Variants in TSPOAP1 observed in about 807,000 individuals in gnomAD.
The protein encoded by TSPOAP1 is peripheral-type benzodiazepine receptor-associated protein 1.
Under a neutral mutation model 197.0 loss-of-function variants are expected in TSPOAP1, and 87 were observed. The ratio of observed to expected loss-of-function variants is 0.44; its 90% CI spans 0.37 to 0.53. TSPOAP1 has a LOEUF of 0.53. Among genes scored for constraint, TSPOAP1 ranks in the 20% least tolerant of loss-of-function variants. The probability of loss-of-function intolerance (pLI) is 0.00; values close to 1 mark genes in which losing one functional copy is unlikely to be tolerated. For missense variants in TSPOAP1, 2,174 were observed against 2,411.3 expected (o/e 0.90, Z 2.06); for synonymous variants, 913 against 998.9 (o/e 0.91, Z 1.62).
Position 58,312,739 on chromosome 17 carries a change from A to G in TSPOAP1, c.2099-17T>C, listed in dbSNP as rs1310879191. 1 of 1,606,254 alleles carries G rather than the reference A, an allele frequency of 6.2e-7. No individual in the cohort carries two copies. The highest frequency in any genetic ancestry group is 1.7e-5 in the Admixed American group (1 of 59,246). On this transcript the variant is annotated splice_polypyrimidine_tract_variant and intron_variant, in intron 16 of 31. Transcript: ENST00000343736. ...TGAGCTCTCCTGGCAGGAGGAGGAC[A>G]GGAAGGGGCAGGGCAGGGGAAGACA...
Position 58,307,631 on chromosome 17 carries a change from G to A in TSPOAP1, c.4963C>T (p.Arg1655Ter), listed in dbSNP as rs774866698. Reference sequence around the variant, plus strand: ...GTCACCTTCAGGATCTGACCCTCTCGGAAGGGAAGCTCTTCTTCTCCAGCA... The same window carrying A: ...GTCACCTTCAGGATCTGACCCTCTCAGAAGGGAAGCTCTTCTTCTCCAGCA... ...PDAGEEELPF[R>*]EGQILKVFGD... Residue 1655 changes from arginine (R) to a stop codon, truncating the protein, a stop_gained, in exon 24 of 32, where the codon CGA (arginine) becomes TGA (stop). Transcript: ENST00000343736. LOFTEE classifies it high-confidence loss of function. 1.2e-6 allele frequency: 2 copies of A among 1,613,990 alleles called. No homozygotes were observed. Among genetic ancestry groups the A allele is most frequent in the African/African-American group, 1.3e-5 (1 of 75,070 alleles).
rs1449770670 is a variant in TSPOAP1 at position 58,318,129 on chromosome 17, A to G, written c.1872+151T>C. ...AGGGCTCCACCTGAGCGCCTCGCCC[A>G]CAGGAGGAATCCACAGGCCTCCCAC... On this transcript the variant is annotated intron_variant, in intron 14 of 31. Coordinates refer to ENST00000343736, the MANE Select transcript of TSPOAP1 (RefSeq NM_004758.4). 4 of 994,512 alleles carry G rather than the reference A, an allele frequency of 4.0e-6. No individual in the cohort carries two copies. The African/African-American group carries it at 4.9e-5, about 12-fold the overall frequency. The allele number at this position is 994,512 out of a possible 1,614,324, so 61.6% of individuals were successfully genotyped here. A position where few individuals can be genotyped will look rare whatever the true frequency, so the allele number is the denominator to read the frequency against.
Position 58,324,575 on chromosome 17 carries a change from G to A in TSPOAP1, c.942+236C>T, listed in dbSNP as rs1010548335. 1.8e-4 allele frequency among the ~76,000 whole-genome samples: 28 copies of A among 152,048 alleles called. No individual in the cohort carries two copies. The highest frequency in any genetic ancestry group is 6.5e-4 in the African/African-American group (27 of 41,430). ...GGCGGCCGGCCAGGCCCCGCTGGGC[G>A]CAGGCCTATGGAGGGCGGAACCCTG... is the stretch of plus-strand genomic sequence containing the variant. On this transcript the variant is annotated intron_variant, in intron 5 of 31. Coordinates refer to ENST00000343736, the MANE Select transcript of TSPOAP1 (RefSeq NM_004758.4). This position sits in a 1 kb window ranked among gnomAD's most constrained non-coding sequence, Gnocchi z 5.8.
rs371840919 is a variant in TSPOAP1 at position 58,308,511 on chromosome 17, G to T, written c.4731+30C>A. The T allele has an allele frequency of 1.7e-5, 26 of 1,492,142 alleles. 1 individual carries two copies. The highest frequency in any genetic ancestry group is 2.8e-5 in the South Asian group (2 of 70,790). 92.4% of individuals were successfully genotyped at this position (1,492,142 alleles called of 1,614,324 possible). ...GGGCCACCAGGTGGCAGCAGGCAGG[G>T]GCTGCCCAGGGCGGGGAGTGAGCAC... On this transcript the variant is annotated intron_variant, in intron 22 of 31. Coordinates refer to ENST00000343736, the MANE Select transcript of TSPOAP1 (RefSeq NM_004758.4).
At chr17:58,325,050 G>A in intron 4 of TSPOAP1, 48 bp from the exon 5 acceptor site, 2 of 1,449,336 alleles carry the variant, frequency 1.4e-6, no homozygotes, top group Non-Finnish European at 1.8e-6. Context: ...CCTAATCCTT[G>A]CCCGCCCCAT....
Position 58,311,038 on chromosome 17 carries a change from C to A in TSPOAP1, c.3257G>T (p.Arg1086Leu). The A allele has an allele frequency of 6.3e-7, 1 of 1,587,382 alleles. No individual in the cohort carries two copies. Among genetic ancestry groups the A allele is most frequent in the Non-Finnish European group, 8.6e-7 (1 of 1,166,886 alleles). Residue 1086 changes from arginine (R) to leucine (L), a missense_variant, in exon 19 of 32, where the codon CGA becomes CTA. Transcript: ENST00000343736. Reference sequence around the variant, plus strand: ...TGGGTGCGGTGAGGGGCAGGAGACTCGGGCTGGCAGGCTGGCCGGAGCCAG... The same window carrying A: ...TGGGTGCGGTGAGGGGCAGGAGACTAGGGCTGGCAGGCTGGCCGGAGCCAG... ...PALAPASLPA[R>L]VSCPSPHPSP...
chr17:58,311,266 G>A (rs759076558), intron 18 of TSPOAP1, 53 bp from the exon 19 acceptor site: 32 of 1,591,334 alleles, frequency 2.0e-5, no homozygotes, highest in Admixed American at 5.3e-5. Flanking sequence ...ACAGCCAAGC[G>A]TGAGGATGCA....
intron 16 of TSPOAP1, among the ~76,000 whole-genome samples, chr17:58,314,663 G>A (rs980762017): frequency 6.6e-6 from 1 of 152,260 alleles, no homozygotes; most frequent in Non-Finnish European, 1.5e-5. Context: ...GCCAGTGAGA[G>A]AATAAATGTC....
chr17:58,323,223 C>A lies in TSPOAP1; in HGVS notation c.1104+75G>T, dbSNP rs560957361. On this transcript the variant is annotated intron_variant, in intron 7 of 31. Coordinates refer to ENST00000343736, the MANE Select transcript of TSPOAP1 (RefSeq NM_004758.4). ...GAGGGCAGCAGGGGTGGGAGCAGAG[C>A]TGAGAGGGAGCCCACCACCTGGCTG... The A allele has an allele frequency of 1.0e-5, 16 of 1,564,568 alleles. No individual in the cohort carries two copies. In the African/African-American group the frequency reaches 1.6e-4, roughly 16 times the overall value.
At chr17:58,302,804 CAT>C (rs2144015150) in intron 31 of TSPOAP1, 2 of 158,802 alleles carry the variant, frequency 1.3e-5, no homozygotes, top group African/African-American at 2.4e-5. Flanking sequence ...CAACTTCTCA[CAT>C]GTCACCTCCC....
intron 11 of TSPOAP1, among the ~76,000 whole-genome samples, 171 bp from the exon 12 acceptor site, chr17:58,320,300 G>A (rs980619888): frequency 4.6e-5 from 7 of 152,120 alleles, no homozygotes; most frequent in Non-Finnish European, 8.8e-5. Flanking sequence ...CAGCCTCTGG[G>A]GGTGGCAGCA....
In TSPOAP1 at chr17:58,304,147, A is replaced by C; in HGVS notation, c.*32+191T>G. The C allele has an allele frequency of 3.5e-6, 2 of 573,876 alleles. No homozygotes were observed. Among genetic ancestry groups the C allele is most frequent in the Non-Finnish European group, 6.3e-6 (2 of 318,956 alleles). The allele number at this position is 573,876 out of a possible 1,614,324, so 35.5% of individuals were successfully genotyped here. A position where few individuals can be genotyped will look rare whatever the true frequency, so the allele number is the denominator to read the frequency against. On this transcript the variant is annotated intron_variant, in intron 31 of 31. Transcript: ENST00000343736. The surrounding 1 kb of genome is among the most constrained non-coding windows in gnomAD (Gnocchi z 4.2). ...AGCTGGCACTGCCCTGGGTAAAGGC[A>C]AGGCAAGGGGAGCAGGGAGGGGGAG...
Position 58,311,729 on chromosome 17 carries a change from G to T in TSPOAP1, c.2930-7C>A, listed in dbSNP as rs201425557. On this transcript the variant is annotated splice_polypyrimidine_tract_variant and splice_region_variant and intron_variant, in intron 17 of 31. Coordinates refer to ENST00000343736, the MANE Select transcript of TSPOAP1 (RefSeq NM_004758.4). ...AGAGGGGCATCAGGTGGGCCTGGGG[G>T]CAGGGGGGCACAAGACCCAGTGATG... 5 of 1,556,894 alleles carry T rather than the reference G, an allele frequency of 3.2e-6. No homozygotes were observed. Among genetic ancestry groups the T allele is most frequent in the Non-Finnish European group, 4.4e-6 (5 of 1,148,512 alleles).
In TSPOAP1 at chr17:58,311,731, A is replaced by AG. The variant is rs754044754; in HGVS notation, c.2930-10dup. 1.9e-6 allele frequency: 3 copies of AG among 1,555,276 alleles called. No individual in the cohort carries two copies. The highest frequency in any genetic ancestry group is 1.9e-5 in the Admixed American group (1 of 52,976). On this transcript the variant is annotated splice_polypyrimidine_tract_variant and intron_variant, in intron 17 of 31. Coordinates refer to ENST00000343736, the MANE Select transcript of TSPOAP1 (RefSeq NM_004758.4). ...AGGGGCATCAGGTGGGCCTGGGGGC[A>AG]GGGGGGCACAAGACCCAGTGATGCA...
intron 4 of TSPOAP1, 51 bp from the exon 5 acceptor site, chr17:58,325,053 C>G: frequency 1.4e-6 from 2 of 1,434,584 alleles, no homozygotes. Flanking sequence ...AATCCTTGCC[C>G]GCCCCATGCC....
rs777736584 is a variant in TSPOAP1, at chr17:58,309,014, G to C, written c.4258C>G (p.Arg1420Gly). ...GSPEKPPSRR[R>G]PPDPREHCSR... Reference sequence around the variant, plus strand: ...CAGTGTTCTCGGGGATCTGGAGGCCGCCTGCGGCTTGGGGGCTTCTCAGGG... The same window carrying C: ...CAGTGTTCTCGGGGATCTGGAGGCCCCCTGCGGCTTGGGGGCTTCTCAGGG... Residue 1420 changes from arginine (R) to glycine (G), a missense_variant, in exon 22 of 32, where the codon CGG becomes GGG. This residue lies in a region of TSPOAP1 where 1,933 missense variants were observed against 2,139.0 expected (regional missense o/e 0.90). Transcript: ENST00000343736. The surrounding 1 kb of genome is among the most constrained non-coding windows in gnomAD (Gnocchi z 5.0). 2 of 1,612,654 alleles carry C rather than the reference G, an allele frequency of 1.2e-6. No individual in the cohort carries two copies. The highest frequency in any genetic ancestry group is 1.7e-6 in the Non-Finnish European group (2 of 1,179,930).
rs1971012521 is a variant in TSPOAP1, at chr17:58,309,412, C to T, written c.3892-32G>A. On this transcript the variant is annotated intron_variant, in intron 21 of 31. Transcript: ENST00000343736. The surrounding 1 kb of genome is among the most constrained non-coding windows in gnomAD (Gnocchi z 5.0). ...GAGGTGGGGAGGTGGGAGTAGAACA[C>T]AGCAGGGAAGAGAGATGCGTGGGGA... 1 of 1,577,086 alleles carries T rather than the reference C, an allele frequency of 6.3e-7. No individual in the cohort carries two copies. Among genetic ancestry groups the T allele is most frequent in the South Asian group, 1.1e-5 (1 of 87,316 alleles).
intron 22 of TSPOAP1, 30 bp downstream of exon 22, chr17:58,308,511 G>A (rs371840919): frequency 1.3e-6 from 2 of 1,492,260 alleles, no homozygotes; most frequent in Non-Finnish European, 8.9e-7. Flanking sequence ...AGCAGGCAGG[G>A]GCTGCCCAGG....
rs143563936 is a variant in TSPOAP1 at position 58,313,922 on chromosome 17, C to G, written c.2099-1200G>C. Among the ~76,000 whole-genome samples the G allele has an allele frequency of 2.1e-4, 32 of 152,216 alleles. No homozygotes were observed. In the East Asian group the frequency reaches 6.0e-3, roughly 28 times the overall value. On this transcript the variant is annotated intron_variant, in intron 16 of 31. Coordinates refer to ENST00000343736, the MANE Select transcript of TSPOAP1 (RefSeq NM_004758.4). The stretch of plus-strand genomic sequence containing the variant: ...TGCATCAGTTCTCCTGAAGACTTGA[C>G]AAGAGAGTATTTTAAAACATTTGCT...
Sources: allele counts gnomAD v4.1 joint callset (sites outside exome capture counted in the v4.1 genomes callset), GRCh38; gene constraint gnomAD v4.1.1; regional missense constraint gnomAD v4.1.1; non-coding constraint Gnocchi (gnomAD v3.1); transcripts MANE v1.5; gene names NCBI Gene and HGNC (gene_info 2026-07-23, HGNC 2026-07-21).